SLC25A15: variants seen among roughly 807,000 people sequenced by gnomAD.
SLC25A15 encodes mitochondrial ornithine transporter 1.
In SLC25A15, 24 loss-of-function variants were observed where a neutral mutation model predicts 32.3. The observed-to-expected ratio is 0.74, with a 90% confidence interval of 0.54 to 1.04. The LOEUF (loss-of-function observed/expected upper bound fraction) is 1.04, where lower values mean the gene tolerates loss of function less well. Among genes scored for constraint, SLC25A15 ranks in the 50% least tolerant of loss-of-function variants. The probability of loss-of-function intolerance (pLI) is 0.00; values close to 1 mark genes in which losing one functional copy is unlikely to be tolerated. For synonymous variants in SLC25A15, 132 were observed against 142.1 expected, an observed-to-expected ratio of 0.93 and a Z score of 0.51; for missense variants, 317 against 374.5, an observed-to-expected ratio of 0.85 and a Z score of 1.27.
rs867303078 is a variant in SLC25A15, at chr13:40,811,414, G to T, written c.*1747G>T. On this transcript the variant is annotated 3_prime_UTR_variant, in exon 7 of 7. Transcript: ENST00000338625. ...TGAGGCAGGAGAATCGCTTGAACCC[G>T]GGAGGCAGAGGTTGCAGTGAACTGA... Among the ~76,000 whole-genome samples the T allele has an allele frequency of 2.6e-5, 4 of 152,018 alleles. No individual in the cohort carries two copies. Among genetic ancestry groups the T allele is most frequent in the Non-Finnish European group, 4.4e-5 (3 of 67,990 alleles).
chr13:40,801,782 A>G (rs1213089705), intron 3 of SLC25A15, among the ~76,000 whole-genome samples: 2 of 152,232 alleles, frequency 1.3e-5, no homozygotes, highest in Non-Finnish European at 1.5e-5. Context: ...GTGCTCAGGT[A>G]CATGTTTGTT....
chr13:40,794,853 C>A (rs12428672), intron 2 of SLC25A15, among the ~76,000 whole-genome samples: 58,112 of 151,386 alleles, frequency 0.38, 11,802 homozygotes, highest in East Asian at 0.51. Context: ...CAGTCATTTG[C>A]TCAATTGTGA....
Position 40,809,730 on chromosome 13 carries a change from C to T in SLC25A15, c.*63C>T. ...AGGACTACAGTTCATCTCAGGGTTT[C>T]TTGGAGTACAAGACCAGTGTGAAGT... On this transcript the variant is annotated 3_prime_UTR_variant, in exon 7 of 7. Coordinates refer to ENST00000338625, the MANE Select transcript of SLC25A15 (RefSeq NM_014252.4). 8 of 1,577,890 alleles carry T rather than the reference C, an allele frequency of 5.1e-6. No individual in the cohort carries two copies. Among genetic ancestry groups the T allele is most frequent in the Non-Finnish European group, 7.0e-6 (8 of 1,150,562 alleles).
chr13:40,807,319 ATTC>A lies in SLC25A15; in HGVS notation c.481_483del (p.Leu161del). The A allele has an allele frequency of 6.2e-7, 1 of 1,614,088 alleles. No homozygotes were observed. The highest frequency in any genetic ancestry group is 8.5e-7 in the Non-Finnish European group (1 of 1,180,020). On this transcript the variant is annotated inframe_deletion, in exon 5 of 7. Coordinates refer to ENST00000338625, the MANE Select transcript of SLC25A15 (RefSeq NM_014252.4). The stretch of plus-strand genomic sequence containing the variant: ...TACAGTGTGGTCTGTCATCAAAAGT[ATTC>A]TTAGGAAAGATGGCCCCTTGGGGTT...
At chr13:40,809,306 A>G (rs1217222944) in intron 6 of SLC25A15, among the ~76,000 whole-genome samples, 1 of 152,194 alleles carries the variant, frequency 6.6e-6, no homozygotes, top group African/African-American at 2.4e-5. Flanking sequence ...GAGTTAACCA[A>G]GCGTGGAATT....
chr13:40,793,058 G>A (rs747782184), intron 1 of SLC25A15, 100 bp from the exon 2 acceptor site: 17 of 707,214 alleles, frequency 2.4e-5, no homozygotes, highest in Admixed American at 1.0e-4. Flanking sequence ...TGGACCCCAG[G>A]TCATGGCTCC....
intron 3 of SLC25A15, among the ~76,000 whole-genome samples, chr13:40,804,466 TG>T (rs1361798300): frequency 6.6e-6 from 1 of 152,146 alleles, no homozygotes; most frequent in African/African-American, 2.4e-5. Flanking sequence ...CATAGGGAAC[TG>T]GGGTGCTGCT....
intron 3 of SLC25A15, among the ~76,000 whole-genome samples, chr13:40,800,645 T>C (rs967649665): frequency 2.0e-5 from 3 of 152,206 alleles, no homozygotes; most frequent in Admixed American, 1.3e-4. Context: ...AGCCACAGGA[T>C]AGACAGTGAC....
intron 3 of SLC25A15, among the ~76,000 whole-genome samples, chr13:40,803,861 G>T (rs989502898): frequency 6.6e-6 from 1 of 152,170 alleles, no homozygotes; most frequent in African/African-American, 2.4e-5. Context: ...GGGCATGTGG[G>T]GATAGGCTTA....
chr13:40,790,773 G>C (rs755177980), intron 1 of SLC25A15, among the ~76,000 whole-genome samples: 1 of 152,142 alleles, frequency 6.6e-6, no homozygotes, highest in Non-Finnish European at 1.5e-5. Context: ...TTTTAATAGA[G>C]ACGGGGGTTT....
chr13:40,801,865 A>G (rs1881905772), intron 3 of SLC25A15, among the ~76,000 whole-genome samples: 1 of 152,208 alleles, frequency 6.6e-6, no homozygotes, highest in Non-Finnish European at 1.5e-5. Flanking sequence ...CCAGTTCTAC[A>G]CATTCATACT....
chr13:40,795,768 A>G (rs17447284), intron 2 of SLC25A15, among the ~76,000 whole-genome samples: 10,541 of 152,214 alleles, frequency 0.069, 410 homozygotes, highest in Middle Eastern at 0.095. Flanking sequence ...AATGGAACCC[A>G]CTTTTGAGGA....
rs1882293949 is a variant in SLC25A15 at position 40,808,556 on chromosome 13, A to G, written c.741A>G (p.Ala247=). ...IQVLSMSGKQ[A]GFIRTFINVV... is the part of the protein sequence containing the mutation. ...TTCTTTCCATGTCTGGAAAACAGGCAGGATTTATCAGAACCTTTATAAATG... is the reference window on the plus strand; with the variant it reads ...TTCTTTCCATGTCTGGAAAACAGGCGGGATTTATCAGAACCTTTATAAATG... The change falls in exon 6 of 7, where the codon GCA becomes GCG. Residue 247 remains alanine (A), a synonymous_variant. Transcript: ENST00000338625. 3 of 1,609,818 alleles carry G rather than the reference A, an allele frequency of 1.9e-6. No individual in the cohort carries two copies. Among genetic ancestry groups the G allele is most frequent in the Non-Finnish European group, 2.5e-6 (3 of 1,179,922 alleles).
intron 3 of SLC25A15, among the ~76,000 whole-genome samples, chr13:40,803,221 G>GTTT (rs35018310): frequency 2.7e-5 from 4 of 146,360 alleles, no homozygotes; most frequent in Admixed American, 6.8e-5. Context: ...CCCCGTATTC[G>GTTT]TTTTTTTTTT....
At chr13:40,793,458 T>C (rs769914633) in intron 2 of SLC25A15, among the ~76,000 whole-genome samples, 177 bp downstream of exon 2, 1 of 152,230 alleles carries the variant, frequency 6.6e-6, no homozygotes, top group South Asian at 2.1e-4. Flanking sequence ...AGTAACATCC[T>C]GTACAGGTGT....
chr13:40,799,228 C>A lies in SLC25A15; in HGVS notation c.227C>A (p.Ala76Asp). 1 of 1,614,240 alleles carries A rather than the reference C, an allele frequency of 6.2e-7. No individual in the cohort carries two copies. Among genetic ancestry groups the A allele is most frequent in the Non-Finnish European group, 8.5e-7 (1 of 1,180,042 alleles). ...GTSPALIANIAENSVLFMCYG... is the reference protein window; with the variant it reads ...GTSPALIANIDENSVLFMCYG... ...AGTCCAGCACTAATCGCCAACATCG[C>A]TGAGAACTCAGTCCTCTTCATGTGC... The change falls in exon 3 of 7, where the codon GCT (alanine) becomes GAT (aspartate). Residue 76 changes from alanine to aspartate, a missense_variant. Ala to Asp is a moderately radical substitution (Grantham distance 126). Coordinates refer to ENST00000338625, the MANE Select transcript of SLC25A15 (RefSeq NM_014252.4).
intron 4 of SLC25A15, among the ~76,000 whole-genome samples, chr13:40,806,430 G>C (rs1237149166): frequency 6.6e-6 from 1 of 152,232 alleles, no homozygotes; most frequent in Non-Finnish European, 1.5e-5. Flanking sequence ...AGGTCTAGCA[G>C]TGTTCACACA....
chr13:40,790,635 T>TG (rs1230043724), intron 1 of SLC25A15, among the ~76,000 whole-genome samples: 1 of 152,228 alleles, frequency 6.6e-6, no homozygotes, highest in Non-Finnish European at 1.5e-5. Context: ...TTGCCCAGGC[T>TG]GGAGTGCAAT....
Position 40,809,988 on chromosome 13 carries a change from C to T in SLC25A15, c.*321C>T, listed in dbSNP as rs1262957840. On this transcript the variant is annotated 3_prime_UTR_variant, in exon 7 of 7. Coordinates refer to ENST00000338625, the MANE Select transcript of SLC25A15 (RefSeq NM_014252.4). ...GCTTTTACGTAAACCTCCACTTGTACATGCAATTTGGACAGTTATGTGTTG... is the reference window on the plus strand; with the variant it reads ...GCTTTTACGTAAACCTCCACTTGTATATGCAATTTGGACAGTTATGTGTTG... 1 of 374,770 alleles carries T rather than the reference C, an allele frequency of 2.7e-6. No individual in the cohort carries two copies. Among genetic ancestry groups the T allele is most frequent in the East Asian group, 6.3e-5 (1 of 15,750 alleles). 23.2% of individuals were successfully genotyped at this position (374,770 alleles called of 1,614,324 possible).
Sources: allele counts gnomAD v4.1 joint callset (sites outside exome capture counted in the v4.1 genomes callset), GRCh38; gene constraint gnomAD v4.1.1; transcripts MANE v1.5; gene names NCBI Gene and HGNC (gene_info 2026-07-23, HGNC 2026-07-21).